The following ASIC2 variants were observed in gnomAD, a reference collection of about 807,000 sequenced individuals.
The protein encoded by ASIC2 is acid-sensing ion channel 2.
Under a neutral mutation model 57.3 loss-of-function variants are expected in ASIC2, and 25 were observed. The ratio of observed to expected loss-of-function variants is 0.44; its 90% CI spans 0.32 to 0.61. ASIC2 has a LOEUF of 0.61. Among genes scored for constraint, ASIC2 ranks in the 20% least tolerant of loss-of-function variants. The probability of loss-of-function intolerance (pLI) is 0.06; values close to 1 mark genes in which losing one functional copy is unlikely to be tolerated. For missense variants in ASIC2, 641 were observed against 738.1 expected (o/e 0.87, Z 1.52); for synonymous variants, 319 against 307.5 (o/e 1.04, Z -0.39).
At chr17:33,624,623 T>G (rs995707704) in intron 1 of ASIC2, among the ~76,000 whole-genome samples, 1 of 152,274 alleles carries the variant, frequency 6.6e-6, no homozygotes, top group African/African-American at 2.4e-5. Flanking sequence ...TCTCAGGTTC[T>G]AGTGCTGGCT....
At chr17:33,050,059 G>A (rs1306521330) in intron 3 of ASIC2, among the ~76,000 whole-genome samples, 3 of 152,272 alleles carry the variant, frequency 2.0e-5, no homozygotes, top group Non-Finnish European at 4.4e-5. Flanking sequence ...AAATGCTATC[G>A]GGTAAGCCTG....
intron 1 of ASIC2, among the ~76,000 whole-genome samples, chr17:33,690,743 GTTTTTTTTTTTTTTTT>G (rs527881591): frequency 2.4e-5 from 2 of 81,676 alleles, no homozygotes; most frequent in Admixed American, 3.3e-4. Context: ...ACTCTTCATT[GTTTTTTTTTTTTTTTT>G]TTTTTTTTGA....
chr17:34,017,872 T>G (rs138238519), intron 1 of ASIC2, among the ~76,000 whole-genome samples: 120 of 152,296 alleles, frequency 7.9e-4, no homozygotes, highest in African/African-American at 2.8e-3. Context: ...ACCATCTCCT[T>G]GTATGTATCT....
At chr17:33,332,230 G>A (rs963958971) in intron 1 of ASIC2, among the ~76,000 whole-genome samples, 1 of 152,112 alleles carries the variant, frequency 6.6e-6, no homozygotes, top group Non-Finnish European at 1.5e-5. Flanking sequence ...TGCTACCAGC[G>A]CTGCCTTACA....
intron 1 of ASIC2, among the ~76,000 whole-genome samples, chr17:34,145,714 C>T (rs1267086010): frequency 1.3e-5 from 2 of 152,214 alleles, no homozygotes; most frequent in Admixed American, 1.3e-4. Flanking sequence ...CCGTGAGCCA[C>T]CCACTTCGCT....
At chr17:33,192,524 T>C (rs1394890432) in intron 1 of ASIC2, among the ~76,000 whole-genome samples, 3 of 152,240 alleles carry the variant, frequency 2.0e-5, no homozygotes, top group Non-Finnish European at 4.4e-5. Flanking sequence ...TGAAGGACTA[T>C]TGACATCCCC....
At chr17:33,450,685 T>G (rs1291408113) in intron 1 of ASIC2, among the ~76,000 whole-genome samples, 1 of 152,216 alleles carries the variant, frequency 6.6e-6, no homozygotes, top group Non-Finnish European at 1.5e-5. Flanking sequence ...AATAAAACCT[T>G]GTAATCAAGA....
intron 1 of ASIC2, chr17:33,794,199 A>C (rs1471493511): frequency 6.6e-6 from 1 of 152,200 alleles, no homozygotes; most frequent in Non-Finnish European, 1.5e-5. Flanking sequence ...TCCATGACAG[A>C]GGGCATGGTT....
chr17:33,471,167 T>C (rs138323456), intron 1 of ASIC2, among the ~76,000 whole-genome samples: 1 of 152,334 alleles, frequency 6.6e-6, no homozygotes, highest in East Asian at 1.9e-4. Flanking sequence ...TACGTGTTTT[T>C]GGTCAGCTTT....
chr17:33,932,741 A>AAAAAAATATAT (rs1555572867), intron 1 of ASIC2: 1 of 58,712 alleles, frequency 1.7e-5, no homozygotes, highest in African/African-American at 6.8e-5. Context: ...AAAAAAAAAA[A>AAAAAAATATAT]ATATATATAT....
chr17:33,513,360 T>C (rs1914481562), intron 1 of ASIC2, among the ~76,000 whole-genome samples: 1 of 152,282 alleles, frequency 6.6e-6, no homozygotes, highest in Non-Finnish European at 1.5e-5. Flanking sequence ...AAATGTCCTC[T>C]GAACACAGCT....
intron 1 of ASIC2, among the ~76,000 whole-genome samples, chr17:33,578,832 T>TA (rs1289483864): frequency 1.3e-5 from 2 of 152,278 alleles, no homozygotes; most frequent in East Asian, 1.9e-4. Context: ...GGACTGTAAT[T>TA]AAACTGTGGA....
At chr17:33,193,751 G>A (rs1906520840) in intron 1 of ASIC2, among the ~76,000 whole-genome samples, 1 of 152,118 alleles carries the variant, frequency 6.6e-6, no homozygotes, top group Non-Finnish European at 1.5e-5. Flanking sequence ...CTGCAATTCC[G>A]ACAAGCTCCA....
At chr17:33,282,720 C>T (rs142907951) in intron 1 of ASIC2, among the ~76,000 whole-genome samples, 1,558 of 152,174 alleles carry the variant, frequency 0.01, 52 homozygotes, top group Admixed American at 0.065. Context: ...AGTGATCTGC[C>T]GCCTCAGCTT....
At chr17:33,943,132 T>A (rs968222669) in intron 1 of ASIC2, among the ~76,000 whole-genome samples, 1 of 152,250 alleles carries the variant, frequency 6.6e-6, no homozygotes, top group African/African-American at 2.4e-5. Flanking sequence ...GAGGAAATGA[T>A]AGAATGGAAC....
intron 1 of ASIC2, among the ~76,000 whole-genome samples, chr17:33,578,897 A>G (rs866455144): frequency 6.6e-6 from 1 of 152,232 alleles, no homozygotes; most frequent in Non-Finnish European, 1.5e-5. Context: ...ACCCTGCCAC[A>G]GCAGGCAAGA....
intron 1 of ASIC2, among the ~76,000 whole-genome samples, chr17:33,284,700 C>T (rs1463377709): frequency 6.6e-6 from 1 of 152,146 alleles, no homozygotes; most frequent in Non-Finnish European, 1.5e-5. Context: ...TTCGTTGAAT[C>T]GTGACTCTAC....
intron 1 of ASIC2, among the ~76,000 whole-genome samples, chr17:33,803,619 G>T (rs1334072545): frequency 7.0e-6 from 1 of 142,900 alleles, no homozygotes. Flanking sequence ...TAACAACAAG[G>T]CTTTGGCTTC....
chr17:33,844,195 G>T (rs2141910507), intron 1 of ASIC2, among the ~76,000 whole-genome samples: 1 of 152,128 alleles, frequency 6.6e-6, no homozygotes, highest in East Asian at 1.9e-4. Context: ...TTGGTACATG[G>T]CATATTTAAG....
Sources: gnomAD v4.1 joint callset for allele counts (sites outside exome capture counted in the v4.1 genomes callset) on GRCh38, gnomAD v4.1.1 for gene constraint, MANE v1.5 for transcripts, NCBI Gene and HGNC (gene_info 2026-07-23, HGNC 2026-07-21) for gene names.